Variants in RBFOX1 observed in about 807,000 individuals in gnomAD.
RBFOX1 encodes the protein RNA binding protein fox-1 homolog 1.
A neutral mutation model predicts 57.7 loss-of-function variants in RBFOX1; 8 were observed. The observed-to-expected ratio is 0.14, with a 90% CI of 0.08 to 0.25. RBFOX1 has a LOEUF of 0.25. RBFOX1 is among the 10% of genes least tolerant of loss of function. The pLI, the probability that RBFOX1 is intolerant of heterozygous loss-of-function variation, is 1.00. For missense variants in RBFOX1, 611 were observed against 548.5 expected (o/e 1.11, Z -1.14); for synonymous variants, 326 against 222.4 (o/e 1.47, Z -4.15).
chr16:5,364,864 G>A (rs1919045), intron 1 of RBFOX1, among the ~76,000 whole-genome samples: 91,562 of 151,814 alleles, frequency 0.6, 27,899 homozygotes, highest in African/African-American at 0.67. Flanking sequence ...TTGGGATTTG[G>A]ACCCCATCTG....
intron 3 of RBFOX1, among the ~76,000 whole-genome samples, chr16:5,791,143 C>G (rs1464116621): frequency 6.6e-6 from 1 of 152,122 alleles, no homozygotes; most frequent in Admixed American, 6.5e-5. Flanking sequence ...GCTGGGATTA[C>G]AGGCGTGAGC....
chr16:7,689,710 C>T (rs2076913848), intron 14 of RBFOX1, among the ~76,000 whole-genome samples: 1 of 151,848 alleles, frequency 6.6e-6, no homozygotes, highest in Non-Finnish European at 1.5e-5. Flanking sequence ...TAGGGGCCAA[C>T]TCAAAGAAAA....
chr16:6,935,829 A>T (rs770161765), intron 3 of RBFOX1, among the ~76,000 whole-genome samples: 2 of 152,188 alleles, frequency 1.3e-5, no homozygotes, highest in Non-Finnish European at 2.9e-5. Flanking sequence ...CACAGAGTTT[A>T]TCCGGGGCCA....
chr16:6,216,433 C>T (rs925833978), intron 1 of RBFOX1, among the ~76,000 whole-genome samples: 4 of 152,134 alleles, frequency 2.6e-5, no homozygotes, highest in South Asian at 2.1e-4. Context: ...ATAGTTTTGC[C>T]TTTTGCCAAC....
At chr16:5,366,089 C>T in intron 1 of RBFOX1, 2 of 468,632 alleles carry the variant, frequency 4.3e-6, no homozygotes, top group Non-Finnish European at 8.4e-6. Flanking sequence ...CACCAGTGCT[C>T]TTACGGTTGA....
chr16:5,960,883 T>TG (rs1319850055), intron 4 of RBFOX1, among the ~76,000 whole-genome samples: 1 of 152,192 alleles, frequency 6.6e-6, no homozygotes, highest in African/African-American at 2.4e-5. Flanking sequence ...GATAGGCTGT[T>TG]GACAGAGTGT....
intron 3 of RBFOX1, among the ~76,000 whole-genome samples, chr16:6,824,726 T>G (rs777981367): frequency 1.5e-4 from 23 of 152,100 alleles, no homozygotes; most frequent in Non-Finnish European, 3.1e-4. Flanking sequence ...TTTACTTTTC[T>G]TTGAAAAAGT....
intron 2 of RBFOX1, among the ~76,000 whole-genome samples, chr16:5,504,002 G>C (rs1232920948): frequency 6.6e-6 from 1 of 152,158 alleles, no homozygotes; most frequent in African/African-American, 2.4e-5. Context: ...GGTGAGGAGA[G>C]CTGGCTTACC....
intron 1 of RBFOX1, among the ~76,000 whole-genome samples, chr16:6,120,273 G>A (rs1293789728): frequency 2.0e-5 from 3 of 152,202 alleles, no homozygotes; most frequent in African/African-American, 7.2e-5. Flanking sequence ...CATGTTTTCA[G>A]TTCTTTTGGG....
In RBFOX1 at chr16:7,710,745, A is replaced by G. The variant is rs2148629483; in HGVS notation, c.1194A>G (p.Ter398=). 1 of 1,574,674 alleles carries G rather than the reference A, an allele frequency of 6.4e-7. No homozygotes were observed. The highest frequency in any genetic ancestry group is 2.0e-5 in the Admixed American group (1 of 50,864). ...GATACAACCGTTTTGCTCCATACTA[A>G]ATGACAAAACCATAAAAACCTTCCA... is the stretch of plus-strand genomic sequence containing the variant. ...RGGYNRFAPY[*] The change falls in exon 16 of 16, where the codon TAA becomes TAG. Residue 398 remains the stop codon, a stop_retained_variant. Transcript: ENST00000550418.
chr16:7,366,259 A>G (rs1283731928), intron 4 of RBFOX1, among the ~76,000 whole-genome samples: 2 of 152,180 alleles, frequency 1.3e-5, no homozygotes, highest in Non-Finnish European at 2.9e-5. Flanking sequence ...TGTAAATCCG[A>G]TGTTGTTTCC....
At chr16:7,561,559 T>A (rs1174177806) in intron 5 of RBFOX1, among the ~76,000 whole-genome samples, 2 of 152,242 alleles carry the variant, frequency 1.3e-5, no homozygotes, top group African/African-American at 4.8e-5. Flanking sequence ...TCTTTCACTG[T>A]CAAATTTTTG....
At chr16:5,479,513 C>G (rs774139289) in intron 2 of RBFOX1, among the ~76,000 whole-genome samples, 3 of 152,148 alleles carry the variant, frequency 2.0e-5, no homozygotes, top group Non-Finnish European at 4.4e-5. Flanking sequence ...AATCCCAGCA[C>G]TTTGGGAGGC....
At chr16:6,586,810 A>G (rs183471055) in intron 2 of RBFOX1, among the ~76,000 whole-genome samples, 16 of 152,286 alleles carry the variant, frequency 1.1e-4, no homozygotes, top group African/African-American at 3.6e-4. Flanking sequence ...GTTTTGTTTT[A>G]ACTGCACTAT....
chr16:5,328,043 C>G (rs897596254), intron 1 of RBFOX1, among the ~76,000 whole-genome samples: 21 of 152,158 alleles, frequency 1.4e-4, no homozygotes, highest in African/African-American at 5.1e-4. Flanking sequence ...AAAACAAATG[C>G]AGCCCCCATG....
intron 2 of RBFOX1, among the ~76,000 whole-genome samples, chr16:6,584,452 C>G (rs866969008): frequency 1.3e-5 from 2 of 151,818 alleles, no homozygotes; most frequent in Non-Finnish European, 2.9e-5. Flanking sequence ...ACTCCAACCT[C>G]TGCCTCCTGG....
At chr16:7,184,062 G>A (rs1455847292) in intron 4 of RBFOX1, among the ~76,000 whole-genome samples, 2 of 152,172 alleles carry the variant, frequency 1.3e-5, no homozygotes, top group African/African-American at 4.8e-5. Context: ...AGTGGTGGTG[G>A]AGAAGAAGGC....
chr16:6,496,685 C>T (rs1464174134), intron 2 of RBFOX1, among the ~76,000 whole-genome samples: 1 of 152,140 alleles, frequency 6.6e-6, no homozygotes, highest in Non-Finnish European at 1.5e-5. Flanking sequence ...ATTGGCCGGG[C>T]ACGGTGTCTC....
At chr16:5,796,897 C>G (rs1352783926) in intron 3 of RBFOX1, among the ~76,000 whole-genome samples, 3 of 152,152 alleles carry the variant, frequency 2.0e-5, no homozygotes, top group Non-Finnish European at 2.9e-5. Flanking sequence ...CGATTATTTA[C>G]TCATGTGACA....
Sources: gnomAD v4.1 joint callset for allele counts (sites outside exome capture counted in the v4.1 genomes callset) on GRCh38, gnomAD v4.1.1 for gene constraint, MANE v1.5 for transcripts, NCBI Gene and HGNC (gene_info 2026-07-23, HGNC 2026-07-21) for gene names.